The following ANKS1B variants were observed in gnomAD, a reference collection of about 807,000 sequenced individuals.
The protein encoded by ANKS1B is ankyrin repeat and sterile alpha motif domain-containing protein 1B.
Under a neutral mutation model 148.3 loss-of-function variants are expected in ANKS1B, and 36 were observed. The observed-to-expected ratio is 0.24, with a 90% CI of 0.19 to 0.32. The LOEUF is 0.32. ANKS1B is among the 10% of genes least tolerant of loss of function. The pLI is 1.00. For synonymous variants in ANKS1B, 542 were observed against 560.8 expected (o/e 0.97, Z 0.47); for missense variants, 1,157 against 1,542.6 (o/e 0.75, Z 4.19).
intron 25 of ANKS1B, among the ~76,000 whole-genome samples, chr12:98,766,823 C>CT (rs572162330): frequency 3.1e-4 from 47 of 150,828 alleles, no homozygotes; most frequent in African/African-American, 1.0e-3. Context: ...TTTTTCTTTC[C>CT]TTTTTTTTTG....
At chr12:99,476,531 A>T (rs12307842) in intron 10 of ANKS1B, among the ~76,000 whole-genome samples, 6,582 of 152,296 alleles carry the variant, frequency 0.043, 488 homozygotes, top group African/African-American at 0.15. Context: ...AAAATAGTAT[A>T]AAATTGGGCA....
intron 1 of ANKS1B, among the ~76,000 whole-genome samples, chr12:99,959,862 C>T (rs544887283): frequency 2.6e-5 from 4 of 152,130 alleles, no homozygotes; most frequent in Non-Finnish European, 4.4e-5. Flanking sequence ...GACTAAAAGT[C>T]AATGTCATAC....
At chr12:99,901,110 T>C (rs542190459) in intron 1 of ANKS1B, among the ~76,000 whole-genome samples, 1 of 152,198 alleles carries the variant, frequency 6.6e-6, no homozygotes, top group Non-Finnish European at 1.5e-5. Flanking sequence ...TAGATATATC[T>C]TCTTAGAAAT....
chr12:98,941,036 T>C (rs2099835843), intron 17 of ANKS1B, among the ~76,000 whole-genome samples: 1 of 152,166 alleles, frequency 6.6e-6, no homozygotes, highest in African/African-American at 2.4e-5. Flanking sequence ...AAACACTGAA[T>C]TGCAAATACT....
intron 12 of ANKS1B, among the ~76,000 whole-genome samples, chr12:99,327,730 G>C (rs1422779590): frequency 6.7e-6 from 1 of 150,212 alleles, no homozygotes; most frequent in Non-Finnish European, 1.5e-5. Flanking sequence ...TTATATAATA[G>C]ATAATATTCA....
chr12:98,850,426 A>C lies in ANKS1B; in HGVS notation c.2779-18290T>G, dbSNP rs935999304. Among the ~76,000 whole-genome samples, 3 of 149,698 alleles carry C rather than the reference A, an allele frequency of 2.0e-5. 1 individual carries two copies. Among genetic ancestry groups the C allele is most frequent in the Admixed American group, 2.0e-4 (3 of 15,060 alleles). ...GGAGGCTTATACATTGTTTTCCACA[A>C]AATGTAGTTGATGGAGACCAGAGAA... On this transcript the variant is annotated intron_variant, in intron 17 of 26. Transcript: ENST00000683438.
intron 12 of ANKS1B, among the ~76,000 whole-genome samples, chr12:99,341,501 C>G (rs1418098933): frequency 6.6e-6 from 1 of 152,172 alleles, no homozygotes; most frequent in Admixed American, 6.6e-5. Flanking sequence ...CCAGACATCT[C>G]TATCACCATG....
At chr12:99,264,889 G>T (rs1159437406) in intron 12 of ANKS1B, among the ~76,000 whole-genome samples, 1 of 152,074 alleles carries the variant, frequency 6.6e-6, no homozygotes, top group African/African-American at 2.4e-5. Context: ...TAGTACAAAT[G>T]TGCCTCCTGC....
intron 8 of ANKS1B, among the ~76,000 whole-genome samples, chr12:99,768,689 G>A (rs190170144): frequency 6.6e-6 from 1 of 152,078 alleles, no homozygotes; most frequent in Admixed American, 6.5e-5. Flanking sequence ...AGCCAGGTGT[G>A]GTGGCACGTG....
At chr12:99,569,080 TG>T (rs2097425509) in intron 9 of ANKS1B, among the ~76,000 whole-genome samples, 1 of 152,224 alleles carries the variant, frequency 6.6e-6, no homozygotes, top group African/African-American at 2.4e-5. Context: ...ATAGAGAACA[TG>T]GAACAATCTG....
At chr12:99,910,141 G>A (rs1215093026) in intron 1 of ANKS1B, among the ~76,000 whole-genome samples, 1 of 152,130 alleles carries the variant, frequency 6.6e-6, no homozygotes, top group Non-Finnish European at 1.5e-5. Flanking sequence ...GGGAGGCTGA[G>A]GTCAGGAGTT....
chr12:99,139,477 T>A (rs1229396989), intron 15 of ANKS1B, among the ~76,000 whole-genome samples: 1 of 119,462 alleles, frequency 8.4e-6, no homozygotes, highest in East Asian at 2.3e-4. Flanking sequence ...GGAGTCTCAC[T>A]GTGTTGCTCA....
intron 10 of ANKS1B, among the ~76,000 whole-genome samples, chr12:99,470,562 A>T (rs1036670787): frequency 2.0e-5 from 3 of 152,130 alleles, no homozygotes; most frequent in Non-Finnish European, 4.4e-5. Context: ...CAATTCCTCA[A>T]TTCTCCTATT....
At chr12:99,772,721 G>A (rs568769388) in intron 8 of ANKS1B, 2 of 414,556 alleles carry the variant, frequency 4.8e-6, no homozygotes, top group South Asian at 9.1e-5. Context: ...GAGAGACCAT[G>A]AAGTGATCTG....
chr12:99,125,996 A>G (rs2153737691), intron 15 of ANKS1B, among the ~76,000 whole-genome samples: 1 of 152,284 alleles, frequency 6.6e-6, no homozygotes, highest in East Asian at 1.9e-4. Context: ...ACTTTTTGAT[A>G]CTACCTAAGA....
intron 15 of ANKS1B, among the ~76,000 whole-genome samples, chr12:99,127,784 C>T (rs565325482): frequency 2.0e-5 from 3 of 152,194 alleles, no homozygotes; most frequent in Non-Finnish European, 4.4e-5. Context: ...TGCTGTACTT[C>T]GATCAGCAAA....
In ANKS1B at chr12:99,323,629, T is replaced by C. The variant is rs113671858; in HGVS notation, c.1756+76002A>G. On this transcript the variant is annotated intron_variant, in intron 12 of 26. Coordinates refer to ENST00000683438, the MANE Select transcript of ANKS1B (RefSeq NM_001352186.2). ...TATCACTTGCCTTATTTGTCACATT[T>C]GGACTAAATAATCATTTCATTTTGT... Among the ~76,000 whole-genome samples the C allele has an allele frequency of 2.5e-3, 376 of 152,378 alleles. 2 individuals carry two copies. Among genetic ancestry groups the C allele is most frequent in the Non-Finnish European group, 4.4e-3 (296 of 68,034 alleles).
chr12:99,363,197 A>G (rs996969909), intron 12 of ANKS1B, among the ~76,000 whole-genome samples: 1 of 152,144 alleles, frequency 6.6e-6, no homozygotes. Context: ...TTCCACTTTT[A>G]GTAAAAAAGA....
intron 1 of ANKS1B, among the ~76,000 whole-genome samples, chr12:99,964,974 G>C (rs2095467721): frequency 6.6e-6 from 1 of 152,160 alleles, no homozygotes; most frequent in African/African-American, 2.4e-5. Context: ...AGCCAGACTG[G>C]AGGATGAAGG....
Sources: allele counts gnomAD v4.1 joint callset (sites outside exome capture counted in the v4.1 genomes callset), GRCh38; gene constraint gnomAD v4.1.1; transcripts MANE v1.5; gene names NCBI Gene and HGNC (gene_info 2026-07-23, HGNC 2026-07-21).